The following SCML2 variants were observed in gnomAD, a reference collection of about 807,000 sequenced individuals.
SCML2 encodes sex comb on midleg-like protein 2.
Under a neutral mutation model 48.4 loss-of-function variants are expected in SCML2, and 6 were observed. The ratio of observed to expected loss-of-function variants is 0.12; its 90% CI spans 0.07 to 0.24. The LOEUF (loss-of-function observed/expected upper bound fraction) is 0.24, where lower values mean the gene tolerates loss of function less well. Among genes scored for constraint, SCML2 ranks in the 10% least tolerant of loss-of-function variants. The pLI is 1.00. For synonymous variants in SCML2, 181 were observed against 189.5 expected, an observed-to-expected ratio of 0.95 and a Z score of 0.37; for missense variants, 377 against 528.2, an observed-to-expected ratio of 0.71 and a Z score of 2.81.
At chrX:18,264,389 T>C (rs1927181005) in intron 8 of SCML2, among the ~76,000 whole-genome samples, 1 of 109,936 alleles carries the variant, frequency 9.1e-6, no homozygotes, top group Admixed American at 9.9e-5. Flanking sequence ...CTCCTTTTTA[T>C]CCTTTGTTTC....
intron 9 of SCML2, 79 bp from the exon 10 acceptor site, chrX:18,258,326 A>G: frequency 1.5e-6 from 1 of 659,047 alleles, no homozygotes; most frequent in Admixed American, 3.0e-5. Context: ...ATAATCAATT[A>G]CTATATCCCA....
chrX:18,303,626 C>T (rs1928663846), intron 7 of SCML2, among the ~76,000 whole-genome samples: 1 of 107,659 alleles, frequency 9.3e-6, no homozygotes, highest in South Asian at 4.1e-4. Context: ...TGCCTCCATG[C>T]ATCCCTCTTC....
intron 6 of SCML2, among the ~76,000 whole-genome samples, chrX:18,308,964 T>G (rs191396095): frequency 1.4e-4 from 16 of 110,877 alleles, no homozygotes; most frequent in East Asian, 2.8e-4. Flanking sequence ...ATCCCAGCAC[T>G]TTGGGAGGCT....
At chrX:18,289,620 C>G (rs887818848) in intron 7 of SCML2, among the ~76,000 whole-genome samples, 2 of 112,184 alleles carry the variant, frequency 1.8e-5, no homozygotes, top group East Asian at 2.8e-4. Flanking sequence ...TGCACCTCTG[C>G]CACTTTTGAC....
chrX:18,269,040 CAAG>C (rs1194586387), intron 7 of SCML2, among the ~76,000 whole-genome samples: 1 of 111,958 alleles, frequency 8.9e-6, no homozygotes, highest in African/African-American at 3.3e-5. Context: ...AATAAAACAT[CAAG>C]AAGAATTACC....
chrX:18,342,006 G>A (rs1212647642), intron 1 of SCML2, among the ~76,000 whole-genome samples: 3 of 111,802 alleles, frequency 2.7e-5, no homozygotes, highest in Non-Finnish European at 3.8e-5. Context: ...AAATATGGTG[G>A]CAATAGATGC....
intron 7 of SCML2, among the ~76,000 whole-genome samples, chrX:18,284,137 C>A (rs1232825976): frequency 8.9e-6 from 1 of 111,732 alleles, no homozygotes; most frequent in Admixed American, 9.5e-5. Flanking sequence ...TGATCTTGTG[C>A]AAGACCAACA....
At chrX:18,251,949 A>G (rs1468738488) in intron 11 of SCML2, among the ~76,000 whole-genome samples, 2 of 112,878 alleles carry the variant, frequency 1.8e-5, no homozygotes, top group East Asian at 5.5e-4. Flanking sequence ...AAAGGAATGA[A>G]GCACTGATAC....
At position 18,240,264 on chromosome X, in the gene SCML2, G is replaced by A. The variant is rs1926216719; in HGVS notation, c.*987C>T. The A allele has an allele frequency of 9.0e-6, 1 of 111,636 alleles. No individual in the cohort carries two copies. Among genetic ancestry groups the A allele is most frequent in the South Asian group, 3.8e-4 (1 of 2,665 alleles). The allele number at this position is 111,636 out of a possible 1,213,427, so 9.2% of individuals were successfully genotyped here. ...CGTCACCTCTGTGGCAGTGCAAAGT[G>A]CCAGATTAAATTCAAGAAAAAAAAG... is the stretch of plus-strand genomic sequence containing the variant. On this transcript the variant is annotated 3_prime_UTR_variant, in exon 15 of 15. Coordinates refer to ENST00000251900, the MANE Select transcript of SCML2 (RefSeq NM_006089.3).
intron 1 of SCML2, 31 bp downstream of exon 1, chrX:18,354,561 A>G (rs1930482313): frequency 1.5e-5 from 4 of 267,299 alleles, no homozygotes; most frequent in Non-Finnish European, 2.6e-5. Flanking sequence ...CCGCCTCTCC[A>G]TTCCTTACGG....
chrX:18,296,471 T>C (rs1928400680), intron 7 of SCML2, among the ~76,000 whole-genome samples: 1 of 107,127 alleles, frequency 9.3e-6, no homozygotes, highest in Non-Finnish European at 1.9e-5. Context: ...AGCAAACAAA[T>C]ATACAAATTT....
chrX:18,316,910 C>A (rs748158082), intron 6 of SCML2, among the ~76,000 whole-genome samples: 16 of 112,206 alleles, frequency 1.4e-4, no homozygotes, highest in Non-Finnish European at 2.3e-4. Flanking sequence ...AAACGCAATG[C>A]GTTTGAATCA....
chrX:18,244,063 G>C (rs949111602), intron 13 of SCML2, among the ~76,000 whole-genome samples: 1 of 111,634 alleles, frequency 9.0e-6, no homozygotes, highest in Non-Finnish European at 1.9e-5. Flanking sequence ...GTGTAGCTCT[G>C]AATTTTATTT....
At chrX:18,255,635 G>A (rs1223067323) in intron 11 of SCML2, among the ~76,000 whole-genome samples, 2 of 112,019 alleles carry the variant, frequency 1.8e-5, no homozygotes, top group Non-Finnish European at 3.8e-5. Flanking sequence ...GTAGTAACAA[G>A]GAAATGGAAA....
At chrX:18,323,671 T>C (rs1044910431) in intron 5 of SCML2, among the ~76,000 whole-genome samples, 188 bp downstream of exon 5, 2 of 111,647 alleles carry the variant, frequency 1.8e-5, no homozygotes, top group African/African-American at 3.3e-5. Context: ...ATGCCAAATA[T>C]GTACTTAAGC....
chrX:18,349,295 G>C lies in SCML2; in HGVS notation c.-25+5297C>G, dbSNP rs186755946. On this transcript the variant is annotated intron_variant, in intron 1 of 14. Coordinates refer to ENST00000251900, the MANE Select transcript of SCML2 (RefSeq NM_006089.3). Reference sequence around the variant, plus strand: ...TAGCCATAAACACAGGTCACAAGTAGTAGGTAATCAAATGCTATCTTCAGT... The same window carrying C: ...TAGCCATAAACACAGGTCACAAGTACTAGGTAATCAAATGCTATCTTCAGT... 4.1e-3 allele frequency among the ~76,000 whole-genome samples: 465 copies of C among 112,236 alleles called. 3 individuals are homozygous for C. The highest frequency in any genetic ancestry group is 0.014 in the African/African-American group (446 of 30,929).
chrX:18,248,593 T>C (rs891072511), intron 11 of SCML2, among the ~76,000 whole-genome samples: 2 of 112,232 alleles, frequency 1.8e-5, no homozygotes, highest in African/African-American at 3.2e-5. Context: ...GGCATGCTTC[T>C]CAAAATCTTA....
chrX:18,343,142 A>T (rs1336212341), intron 1 of SCML2, among the ~76,000 whole-genome samples: 44 of 94,334 alleles, frequency 4.7e-4, no homozygotes, highest in Admixed American at 4.5e-4. Context: ...TTTATTTTTT[A>T]TTTTTTTCCT....
chrX:18,324,994 T>A lies in SCML2; in HGVS notation c.92-17A>T. 1 of 1,134,333 alleles carries A rather than the reference T, an allele frequency of 8.8e-7. No individual in the cohort carries two copies. Among genetic ancestry groups the A allele is most frequent in the Non-Finnish European group, 1.2e-6 (1 of 828,573 alleles). 93.5% of individuals were successfully genotyped at this position (1,134,333 alleles called of 1,213,427 possible). A position where few individuals can be genotyped will look rare whatever the true frequency, so the allele number is the denominator to read the frequency against. ...GGAAATCATCTGGAAAAAACACATG[T>A]GCAAAATAGTTTCTTAAAGCATATA... On this transcript the variant is annotated splice_polypyrimidine_tract_variant and intron_variant, in intron 3 of 14. Transcript: ENST00000251900.
Sources: gnomAD v4.1 joint callset for allele counts (sites outside exome capture counted in the v4.1 genomes callset) on GRCh38, gnomAD v4.1.1 for gene constraint, MANE v1.5 for transcripts, NCBI Gene and HGNC (gene_info 2026-07-23, HGNC 2026-07-21) for gene names.